IL2RA: variants seen among roughly 807,000 people sequenced by gnomAD.
The protein encoded by IL2RA is interleukin 2 receptor subunit alpha.
Under a neutral mutation model 37.8 loss-of-function variants are expected in IL2RA, and 24 were observed. That is an observed-to-expected ratio of 0.63 (90% confidence interval 0.46 to 0.89). The LOEUF (loss-of-function observed/expected upper bound fraction) is 0.89, where lower values mean the gene tolerates loss of function less well. IL2RA is among the 40% of genes least tolerant of loss of function. The probability of loss-of-function intolerance (pLI) is 0.00; values close to 1 mark genes in which losing one functional copy is unlikely to be tolerated. For missense variants in IL2RA, 319 were observed against 348.6 expected (o/e 0.92, Z 0.68); for synonymous variants, 125 against 114.6 (o/e 1.09, Z -0.58).
At chr10:6,051,846 AT>A (rs1389679066) in intron 1 of IL2RA, among the ~76,000 whole-genome samples, 2 of 15,390 alleles carry the variant, frequency 1.3e-4, no homozygotes, top group Non-Finnish European at 3.8e-4. Context: ...TATATATAGA[AT>A]TTTTTAAGGA....
At chr10:6,052,066 A>G (rs1839972093) in intron 1 of IL2RA, among the ~76,000 whole-genome samples, 1 of 151,720 alleles carries the variant, frequency 6.6e-6, no homozygotes, top group Non-Finnish European at 1.5e-5. Context: ...TTGTTATTAA[A>G]GGAATTGAAA....
Position 6,021,782 on chromosome 10 carries a change from G to T in IL2RA, c.368-89C>A. 1.0e-6 allele frequency: 1 copy of T among 974,898 alleles called. No homozygotes were observed. The highest frequency in any genetic ancestry group is 1.6e-6 in the Non-Finnish European group (1 of 610,778). 60.4% of individuals were successfully genotyped at this position (974,898 alleles called of 1,614,324 possible). On this transcript the variant is annotated intron_variant, in intron 3 of 7. Coordinates refer to ENST00000379959, the MANE Select transcript of IL2RA (RefSeq NM_000417.3). The surrounding 1 kb of genome is among the most constrained non-coding windows in gnomAD (Gnocchi z 4.9). ...GCCTCTTGCTAGGGACTGGACCTTG[G>T]TTCTTACTCTCTTGACTGCTTGCTC...
rs1176905614 is a variant in IL2RA at position 6,035,187 on chromosome 10, G to A, written c.65-9162C>T. ...ACCTACTCCCACCAGGCAACTGAGT[G>A]GTATTTAGTCTGCAAGACTAGCCCA... is the stretch of plus-strand genomic sequence containing the variant. On this transcript the variant is annotated intron_variant, in intron 1 of 7. Coordinates refer to ENST00000379959, the MANE Select transcript of IL2RA (RefSeq NM_000417.3). The surrounding 1 kb of genome is among the most constrained non-coding windows in gnomAD (Gnocchi z 5.4). Among the ~76,000 whole-genome samples the A allele has an allele frequency of 2.6e-5, 4 of 152,200 alleles. No homozygotes were observed. The highest frequency in any genetic ancestry group is 5.9e-5 in the Non-Finnish European group (4 of 68,036).
At position 6,018,115 on chromosome 10, in the gene IL2RA, G is replaced by A. The variant is rs779403244; in HGVS notation, c.732C>T (p.Ala244=). 9.3e-6 allele frequency: 15 copies of A among 1,613,658 alleles called. No homozygotes were observed. The highest frequency in any genetic ancestry group is 1.6e-4 in the Middle Eastern group (1 of 6,070). ...IFTTEYQVAV[A]GCVFLLISVL... ...CGCTGATCAGCAGGAAAACACAGCC[G>A]GCCACTGTCAATAGAGAGAGGGAGT... The change falls in exon 7 of 8, where the codon GCC becomes GCT. Residue 244 remains alanine (A), a synonymous_variant. Transcript: ENST00000379959. This position sits in a 1 kb window ranked among gnomAD's most constrained non-coding sequence, Gnocchi z 5.1.
At position 6,058,899 on chromosome 10, in the gene IL2RA, G is replaced by A. The variant is rs1564555300; in HGVS notation, c.64+3189C>T. On this transcript the variant is annotated intron_variant, in intron 1 of 7. Transcript: ENST00000379959. The surrounding 1 kb of genome is among the most constrained non-coding windows in gnomAD (Gnocchi z 4.2). The stretch of plus-strand genomic sequence containing the variant: ...TAAAAACACTCAAGTTGACTAATAT[G>A]TCCTCATAAACCCTTGCCATGTTAA... 6.6e-6 allele frequency among the ~76,000 whole-genome samples: 1 copy of A among 152,130 alleles called. No homozygotes were observed. Among genetic ancestry groups the A allele is most frequent in the Non-Finnish European group, 1.5e-5 (1 of 68,024 alleles).
chr10:6,060,270 C>A (rs1010831507), intron 1 of IL2RA, among the ~76,000 whole-genome samples: 1 of 151,978 alleles, frequency 6.6e-6, no homozygotes, highest in Non-Finnish European at 1.5e-5. Flanking sequence ...GGAAAGGGTG[C>A]GAGGTGGGTG....
rs1840060281 is a variant in IL2RA at position 6,057,289 on chromosome 10, A to G, written c.64+4799T>C. On this transcript the variant is annotated intron_variant, in intron 1 of 7. Transcript: ENST00000379959. This position sits in a 1 kb window ranked among gnomAD's most constrained non-coding sequence, Gnocchi z 4.8. ...GCAGCAATTACAGAAGCAGTGGGTC[A>G]TGCTGGCTGCCAGGCAGTACTTCTT... Among the ~76,000 whole-genome samples, 1 of 152,224 alleles carries G rather than the reference A, an allele frequency of 6.6e-6. No individual in the cohort carries two copies. Among genetic ancestry groups the G allele is most frequent in the Non-Finnish European group, 1.5e-5 (1 of 68,040 alleles).
chr10:6,036,627 T>TA lies in IL2RA; in HGVS notation c.65-10603dup, dbSNP rs1839687529. On this transcript the variant is annotated intron_variant, in intron 1 of 7. Transcript: ENST00000379959. This position sits in a 1 kb window ranked among gnomAD's most constrained non-coding sequence, Gnocchi z 6.1. The stretch of plus-strand genomic sequence containing the variant: ...GCCCTCTTTCTTCGATTTTGCCACA[T>TA]ACCCGCAGCTGCACTCCCATAATCT... 1.3e-5 allele frequency among the ~76,000 whole-genome samples: 2 copies of TA among 152,186 alleles called. No homozygotes were observed. The highest frequency in any genetic ancestry group is 2.9e-5 in the Non-Finnish European group (2 of 68,022).
intron 7 of IL2RA, among the ~76,000 whole-genome samples, chr10:6,016,341 T>C (rs1839278515): frequency 6.6e-6 from 1 of 151,046 alleles, no homozygotes; most frequent in Non-Finnish European, 1.5e-5. Context: ...TGGTAAGAAA[T>C]CTCTGTTCTT....
chr10:6,062,030 G>T, intron 1 of IL2RA, 58 bp downstream of exon 1: 1 of 1,373,470 alleles, frequency 7.3e-7, no homozygotes, highest in Non-Finnish European at 1.0e-6. Flanking sequence ...TTCTGTGGCT[G>T]GGAAGAGGGA....
intron 1 of IL2RA, among the ~76,000 whole-genome samples, chr10:6,032,314 G>A (rs921904180): frequency 3.9e-5 from 6 of 152,108 alleles, no homozygotes; most frequent in African/African-American, 1.4e-4. Context: ...TTGGAGATAG[G>A]CAAAGATTGC....
intron 1 of IL2RA, 104 bp from the exon 2 acceptor site, chr10:6,026,129 A>G: frequency 1.6e-6 from 2 of 1,221,136 alleles, no homozygotes; most frequent in Non-Finnish European, 2.4e-6. Context: ...ACTTTATTTA[A>G]AAGATGGTAT....
intron 1 of IL2RA, among the ~76,000 whole-genome samples, chr10:6,031,095 G>C (rs1839567333): frequency 6.6e-6 from 1 of 151,836 alleles, no homozygotes; most frequent in Admixed American, 6.6e-5. Context: ...ATAGCAAGAA[G>C]GTAGACTTGA....
At chr10:6,062,017 T>C in intron 1 of IL2RA, 71 bp downstream of exon 1, 1 of 1,284,742 alleles carries the variant, frequency 7.8e-7, no homozygotes, top group Non-Finnish European at 1.1e-6. Flanking sequence ...GGACTCCCTC[T>C]GGTTCTGTGG....
At chr10:6,042,170 T>G (rs1183386412) in intron 1 of IL2RA, among the ~76,000 whole-genome samples, 1 of 5,630 alleles carries the variant, frequency 1.8e-4, no homozygotes, top group Non-Finnish European at 5.1e-4. Flanking sequence ...AAAAAAAAAT[T>G]CTGATCAGTC....
chr10:6,014,021 C>T lies in IL2RA; in HGVS notation c.795-1125G>A, dbSNP rs1476113791. Among the ~76,000 whole-genome samples the T allele has an allele frequency of 6.6e-6, 1 of 151,930 alleles. No individual in the cohort carries two copies. Among genetic ancestry groups the T allele is most frequent in the East Asian group, 1.9e-4 (1 of 5,176 alleles). On this transcript the variant is annotated intron_variant, in intron 7 of 7. Coordinates refer to ENST00000379959, the MANE Select transcript of IL2RA (RefSeq NM_000417.3). This position sits in a 1 kb window ranked among gnomAD's most constrained non-coding sequence, Gnocchi z 4.4. Reference sequence around the variant, plus strand: ...TAAGTTTAAAATGTTTTTGTAGAGACAAGGTCTCACTTTGTTGCCCAGGCT... The same window carrying T: ...TAAGTTTAAAATGTTTTTGTAGAGATAAGGTCTCACTTTGTTGCCCAGGCT...
In IL2RA at chr10:6,020,931, A is replaced by G. The variant is rs917755339; in HGVS notation, c.583+547T>C. On this transcript the variant is annotated intron_variant, in intron 4 of 7. Coordinates refer to ENST00000379959, the MANE Select transcript of IL2RA (RefSeq NM_000417.3). The surrounding 1 kb of genome is among the most constrained non-coding windows in gnomAD (Gnocchi z 5.6). ...CGGTGGGCTGAGCATTTGCATGAGT[A>G]TGTGTGTGTGTGTGTGTGTGTGCGC... 1.1e-4 allele frequency among the ~76,000 whole-genome samples: 16 copies of G among 149,912 alleles called. No homozygotes were observed. Among genetic ancestry groups the G allele is most frequent in the East Asian group, 5.9e-4 (3 of 5,100 alleles).
Position 6,044,454 on chromosome 10 carries a change from A to G in IL2RA, c.64+17634T>C, listed in dbSNP as rs1839820431. ...TAAGGGGCAGTTTGCAGAAATTTCT[A>G]GGGAAGGGGTAGTAACTTTTGGGTC... On this transcript the variant is annotated intron_variant, in intron 1 of 7. Coordinates refer to ENST00000379959, the MANE Select transcript of IL2RA (RefSeq NM_000417.3). The surrounding 1 kb of genome is among the most constrained non-coding windows in gnomAD (Gnocchi z 4.5). 6.6e-6 allele frequency among the ~76,000 whole-genome samples: 1 copy of G among 152,196 alleles called. No individual in the cohort carries two copies.
chr10:6,019,712 C>T (rs950730034), intron 5 of IL2RA, among the ~76,000 whole-genome samples, 158 bp downstream of exon 5: 10 of 152,036 alleles, frequency 6.6e-5, no homozygotes, highest in African/African-American at 1.9e-4. Flanking sequence ...TTGGGGCCTG[C>T]AGGTTGCTGA....
Sources: gnomAD v4.1 joint callset for allele counts (sites outside exome capture counted in the v4.1 genomes callset) on GRCh38, gnomAD v4.1.1 for gene constraint, Gnocchi (gnomAD v3.1) non-coding constraint, MANE v1.5 for transcripts, NCBI Gene and HGNC (gene_info 2026-07-23, HGNC 2026-07-21) for gene names.